The following ONECUT3 variants were observed in gnomAD, a reference collection of about 807,000 sequenced individuals.
ONECUT3 encodes the protein one cut homeobox 3.
A neutral mutation model predicts 16.8 loss-of-function variants in ONECUT3; 11 were observed. The observed-to-expected ratio is 0.66, with a 90% CI of 0.41 to 1.09. The LOEUF (loss-of-function observed/expected upper bound fraction) is 1.09. Ranked by LOEUF, ONECUT3 falls within the 50% of genes least tolerant of loss-of-function variation. The probability of loss-of-function intolerance (pLI) is 0.00; values close to 1 mark genes in which losing one functional copy is unlikely to be tolerated. For synonymous variants in ONECUT3, 344 were observed against 310.7 expected (o/e 1.11, Z -1.13); for missense variants, 637 against 629.9 (o/e 1.01, Z -0.12).
At chr19:1,773,885 A>G (rs2068080167) in intron 1 of ONECUT3, among the ~76,000 whole-genome samples, 1 of 152,158 alleles carries the variant, frequency 6.6e-6, no homozygotes, top group South Asian at 2.1e-4. Flanking sequence ...TCGCTGCTGG[A>G]GCAGGAAGAG....
intron 1 of ONECUT3, among the ~76,000 whole-genome samples, chr19:1,769,460 C>T (rs980043019): frequency 6.6e-6 from 1 of 152,058 alleles, no homozygotes; most frequent in Non-Finnish European, 1.5e-5. Context: ...CAGGGCTTCA[C>T]CCCCGTCCCC....
chr19:1,772,391 T>C (rs1294733307), intron 1 of ONECUT3, among the ~76,000 whole-genome samples: 1 of 152,042 alleles, frequency 6.6e-6, no homozygotes, highest in Non-Finnish European at 1.5e-5. Flanking sequence ...AGTGGTGAGA[T>C]CATGCTCACT....
chr19:1,754,295 C>T lies in ONECUT3; in HGVS notation c.633C>T (p.His211=). ...CCAACGCGCTGCCGCCCGCGCTGCA[C>T]GGCGCCCCGCAGCCCCCGCCGCCGC... is the stretch of plus-strand genomic sequence containing the variant. The part of the protein sequence containing the change: ...PLPNALPPAL[H]GAPQPPPPPP... The change falls in exon 1 of 2, where the codon CAC becomes CAT. Residue 211 remains histidine (H), a synonymous_variant. Coordinates refer to ENST00000382349, the MANE Select transcript of ONECUT3 (RefSeq NM_001080488.2). The surrounding 1 kb of genome is among the most constrained non-coding windows in gnomAD (Gnocchi z 7.4). 1 of 1,054,092 alleles carries T rather than the reference C, an allele frequency of 9.5e-7. No homozygotes were observed. The highest frequency in any genetic ancestry group is 1.1e-6 in the Non-Finnish European group (1 of 879,728). The allele number at this position is 1,054,092 out of a possible 1,614,324, so 65.3% of individuals were successfully genotyped here.
Position 1,779,319 on chromosome 19 carries a change from C to T in ONECUT3, c.*3874C>T, listed in dbSNP as rs968226904. 2.6e-5 allele frequency: 4 copies of T among 151,908 alleles called. No homozygotes were observed. Among genetic ancestry groups the T allele is most frequent in the Non-Finnish European group, 2.9e-5 (2 of 68,004 alleles). The allele number at this position is 151,908 out of a possible 1,614,324, so 9.4% of individuals were successfully genotyped here. A position where few individuals can be genotyped will look rare whatever the true frequency, so the allele number is the denominator to read the frequency against. ...GGGAAAGTTAGAGGGAGCGTGATCG[C>T]GAGAGAGACTGCGGCAGAAAGGACC... On this transcript the variant is annotated 3_prime_UTR_variant, in exon 2 of 2. Coordinates refer to ENST00000382349, the MANE Select transcript of ONECUT3 (RefSeq NM_001080488.2).
At chr19:1,757,736 C>T (rs768931771) in intron 1 of ONECUT3, among the ~76,000 whole-genome samples, 9 of 152,236 alleles carry the variant, frequency 5.9e-5, no homozygotes, top group Admixed American at 5.9e-4. Context: ...GCCTTTAGTT[C>T]CGGTCGCTGC....
In ONECUT3 at chr19:1,764,203, G is replaced by T. The variant is rs2067964787; in HGVS notation, c.1192+9349G>T. 6.6e-6 allele frequency among the ~76,000 whole-genome samples: 1 copy of T among 152,122 alleles called. No homozygotes were observed. Among genetic ancestry groups the T allele is most frequent in the Non-Finnish European group, 1.5e-5 (1 of 68,038 alleles). ...CCACTGGCTTTGCTCCTGTTTGAGG[G>T]TGCCTGAATGGGGTGGGTCTCTGTA... On this transcript the variant is annotated intron_variant, in intron 1 of 1. Coordinates refer to ENST00000382349, the MANE Select transcript of ONECUT3 (RefSeq NM_001080488.2). This position sits in a 1 kb window ranked among gnomAD's most constrained non-coding sequence, Gnocchi z 5.0.
intron 1 of ONECUT3, among the ~76,000 whole-genome samples, chr19:1,774,673 G>A (rs1202786197): frequency 6.6e-6 from 1 of 151,184 alleles, no homozygotes; most frequent in African/African-American, 2.4e-5. Flanking sequence ...AGCGTTTGAG[G>A]GTAGGACGGG....
rs2067953480 is a variant in ONECUT3, at chr19:1,762,794, C to T, written c.1192+7940C>T. Among the ~76,000 whole-genome samples the T allele has an allele frequency of 6.8e-6, 1 of 146,486 alleles. No individual in the cohort carries two copies. Among genetic ancestry groups the T allele is most frequent in the Admixed American group, 6.9e-5 (1 of 14,432 alleles). On this transcript the variant is annotated intron_variant, in intron 1 of 1. Transcript: ENST00000382349. This position sits in a 1 kb window ranked among gnomAD's most constrained non-coding sequence, Gnocchi z 4.4. Reference sequence around the variant, plus strand: ...CGCCGCACCAGGCGCGAGTGTTCTTCTTCCTTGTCTGGCGCCCCAGAACCG... The same window carrying T: ...CGCCGCACCAGGCGCGAGTGTTCTTTTTCCTTGTCTGGCGCCCCAGAACCG...
rs2068111656 is a variant in ONECUT3 at position 1,776,682 on chromosome 19, G to C, written c.*1237G>C. On this transcript the variant is annotated 3_prime_UTR_variant, in exon 2 of 2. Coordinates refer to ENST00000382349, the MANE Select transcript of ONECUT3 (RefSeq NM_001080488.2). The surrounding 1 kb of genome is among the most constrained non-coding windows in gnomAD (Gnocchi z 4.9). ...CTGGTCTGGGTGACCTCCGAGACTGGCCGGCCGCGGGATCCCAGGAGCCCG... is the reference window on the plus strand; with the variant it reads ...CTGGTCTGGGTGACCTCCGAGACTGCCCGGCCGCGGGATCCCAGGAGCCCG... 1 of 150,126 alleles carries C rather than the reference G, an allele frequency of 6.7e-6. No individual in the cohort carries two copies. Among genetic ancestry groups the C allele is most frequent in the East Asian group, 2.0e-4 (1 of 5,084 alleles). The allele number at this position is 150,126 out of a possible 1,614,324, so 9.3% of individuals were successfully genotyped here.
chr19:1,761,782 G>A (rs2067947750), intron 1 of ONECUT3, among the ~76,000 whole-genome samples: 1 of 152,180 alleles, frequency 6.6e-6, no homozygotes, highest in Admixed American at 6.5e-5. Flanking sequence ...GGACACCTAC[G>A]GCCTCAGTTT....
In ONECUT3 at chr19:1,754,321, C is replaced by G. The variant is rs2067904838; in HGVS notation, c.659C>G (p.Pro220Arg). Reference protein sequence around the residue: ...LHGAPQPPPPPPPPPLAAYGP... With the variant: ...LHGAPQPPPPRPPPPLAAYGP... ...GGCGCCCCGCAGCCCCCGCCGCCGCCACCACCCCCGCCGCTGGCCGCCTAC... is the reference window on the plus strand; with the variant it reads ...GGCGCCCCGCAGCCCCCGCCGCCGCGACCACCCCCGCCGCTGGCCGCCTAC... Residue 220 changes from proline (P) to arginine (R), a missense_variant, in exon 1 of 2, where the codon CCA (proline) becomes CGA (arginine). Physicochemically the swap from Pro to Arg is moderately radical, Grantham distance 103. Transcript: ENST00000382349. This position sits in a 1 kb window ranked among gnomAD's most constrained non-coding sequence, Gnocchi z 7.4. The G allele has an allele frequency of 9.5e-7, 1 of 1,055,342 alleles. No homozygotes were observed. The highest frequency in any genetic ancestry group is 1.1e-6 in the Non-Finnish European group (1 of 880,444). 65.4% of individuals were successfully genotyped at this position (1,055,342 alleles called of 1,614,324 possible).
chr19:1,764,802 G>C lies in ONECUT3; in HGVS notation c.1192+9948G>C, dbSNP rs964338217. Among the ~76,000 whole-genome samples, 1 of 149,788 alleles carries C rather than the reference G, an allele frequency of 6.7e-6. No homozygotes were observed. The highest frequency in any genetic ancestry group is 1.5e-5 in the Non-Finnish European group (1 of 67,342). On this transcript the variant is annotated intron_variant, in intron 1 of 1. Coordinates refer to ENST00000382349, the MANE Select transcript of ONECUT3 (RefSeq NM_001080488.2). The surrounding 1 kb of genome is among the most constrained non-coding windows in gnomAD (Gnocchi z 5.0). ...GACTCGAGTCTGGAGAGGCCACGGG[G>C]GGGGGATGCGCAGGGGGGACAAGAC...
Position 1,758,728 on chromosome 19 carries a change from T to C in ONECUT3, c.1192+3874T>C, listed in dbSNP as rs1378424047. Among the ~76,000 whole-genome samples, 1 of 139,006 alleles carries C rather than the reference T, an allele frequency of 7.2e-6. No homozygotes were observed. The highest frequency in any genetic ancestry group is 1.6e-5 in the Non-Finnish European group (1 of 63,800). 91.2% of individuals were successfully genotyped at this position (139,006 alleles called of 152,430 possible). On this transcript the variant is annotated intron_variant, in intron 1 of 1. Coordinates refer to ENST00000382349, the MANE Select transcript of ONECUT3 (RefSeq NM_001080488.2). This position sits in a 1 kb window ranked among gnomAD's most constrained non-coding sequence, Gnocchi z 5.9. ...CTGCCTCCTGGTCAAAGCTCTCCCCTGGCGCCGTCTCCAACAGTAATTATG... is the reference window on the plus strand; with the variant it reads ...CTGCCTCCTGGTCAAAGCTCTCCCCCGGCGCCGTCTCCAACAGTAATTATG...
rs2067901565 is a variant in ONECUT3, at chr19:1,753,855, G to T, written c.193G>T (p.Ala65Ser). The T allele has an allele frequency of 3.1e-6, 3 of 974,250 alleles. No individual in the cohort carries two copies. The highest frequency in any genetic ancestry group is 1.2e-4 in the East Asian group (1 of 8,528). The allele number at this position is 974,250 out of a possible 1,614,324, so 60.4% of individuals were successfully genotyped here. ...CGGCGGCGGCGGCGGCGGTGGGGGCGCCGGGGGCGCGGGCGGCGCGGGCAG... is the reference window on the plus strand; with the variant it reads ...CGGCGGCGGCGGCGGCGGTGGGGGCTCCGGGGGCGCGGGCGGCGCGGGCAG... ...DGGGGGGGGG[A>S]GGAGGAGSAG... Residue 65 changes from alanine to serine, a missense_variant, in exon 1 of 2, where the codon GCC becomes TCC. This residue lies in a region of ONECUT3 where 419 missense variants were observed against 377.9 expected (regional missense o/e 1.11). Transcript: ENST00000382349.
At chr19:1,768,776 AAAAG>A (rs1430106359) in intron 1 of ONECUT3, among the ~76,000 whole-genome samples, 1 of 151,964 alleles carries the variant, frequency 6.6e-6, no homozygotes, top group African/African-American at 2.4e-5. Context: ...GGGGGTGAGT[AAAAG>A]AAAGGTCATG....
rs964802670 is a variant in ONECUT3, at chr19:1,755,395, C to G, written c.1192+541C>G. On this transcript the variant is annotated intron_variant, in intron 1 of 1. Transcript: ENST00000382349. The surrounding 1 kb of genome is among the most constrained non-coding windows in gnomAD (Gnocchi z 7.5). The stretch of plus-strand genomic sequence containing the variant: ...GAGGCCGAGCCCGCGCTCATCCCCC[C>G]ACCTGCCCCAGCGCGCGCTTCTTTG... 1.6e-4 allele frequency among the ~76,000 whole-genome samples: 24 copies of G among 152,220 alleles called. No individual in the cohort carries two copies. The highest frequency in any genetic ancestry group is 5.5e-4 in the African/African-American group (23 of 41,546).
chr19:1,760,167 G>A (rs926822003), intron 1 of ONECUT3, among the ~76,000 whole-genome samples: 1 of 152,338 alleles, frequency 6.6e-6, no homozygotes, highest in East Asian at 1.9e-4. Context: ...AGCTGAGGCC[G>A]AAGAGAAAGG....
chr19:1,753,937 T>C lies in ONECUT3; in HGVS notation c.275T>C (p.Met92Thr), dbSNP rs1426153135. 12 of 983,830 alleles carry C rather than the reference T, an allele frequency of 1.2e-5. No homozygotes were observed. Among genetic ancestry groups the C allele is most frequent in the Middle Eastern group, 5.1e-4 (1 of 1,960 alleles). The allele number at this position is 983,830 out of a possible 1,614,324, so 60.9% of individuals were successfully genotyped here. A position where few individuals can be genotyped will look rare whatever the true frequency, so the allele number is the denominator to read the frequency against. Residue 92 changes from methionine to threonine, a missense_variant, in exon 1 of 2, where the codon ATG (methionine) becomes ACG (threonine). Physicochemically the swap from Met to Thr is moderately conservative, Grantham distance 81. Coordinates refer to ENST00000382349, the MANE Select transcript of ONECUT3 (RefSeq NM_001080488.2). ...GELAGPLHPA[M>T]GMACEAPGLG... is the part of the protein sequence containing the mutation. Reference sequence around the variant, plus strand: ...CTGGCGGGCCCGCTGCACCCGGCAATGGGCATGGCCTGCGAGGCGCCGGGC... The same window carrying C: ...CTGGCGGGCCCGCTGCACCCGGCAACGGGCATGGCCTGCGAGGCGCCGGGC...
chr19:1,759,699 G>T lies in ONECUT3; in HGVS notation c.1192+4845G>T, dbSNP rs1257762710. Among the ~76,000 whole-genome samples the T allele has an allele frequency of 6.6e-6, 1 of 152,182 alleles. No homozygotes were observed. Among genetic ancestry groups the T allele is most frequent in the Non-Finnish European group, 1.5e-5 (1 of 68,040 alleles). ...CCTTCCCTGGGCTCTGTCCCTGGCT[G>T]ATCCCTGGCAAAAGGACTTGAGCCT... is the stretch of plus-strand genomic sequence containing the variant. On this transcript the variant is annotated intron_variant, in intron 1 of 1. Coordinates refer to ENST00000382349, the MANE Select transcript of ONECUT3 (RefSeq NM_001080488.2). The surrounding 1 kb of genome is among the most constrained non-coding windows in gnomAD (Gnocchi z 4.1).
Sources: allele counts gnomAD v4.1 joint callset (sites outside exome capture counted in the v4.1 genomes callset), GRCh38; gene constraint gnomAD v4.1.1; regional missense constraint gnomAD v4.1.1; non-coding constraint Gnocchi (gnomAD v3.1); transcripts MANE v1.5; gene names NCBI Gene and HGNC (gene_info 2026-07-23, HGNC 2026-07-21).